Variants in COL24A1 observed in about 807,000 individuals in gnomAD.
COL24A1 encodes the protein collagen alpha-1(XXIV) chain.
Under a neutral mutation model 253.9 loss-of-function variants are expected in COL24A1, and 224 were observed. That is an observed-to-expected ratio of 0.88 (90% confidence interval 0.79 to 0.99). The LOEUF (loss-of-function observed/expected upper bound fraction) is 0.99, where lower values mean the gene tolerates loss of function less well. COL24A1 is among the 50% of genes least tolerant of loss of function. The pLI is 0.00. For synonymous variants in COL24A1, 685 were observed against 673.7 expected, an observed-to-expected ratio of 1.02 and a Z score of -0.26; for missense variants, 2,131 against 2,068.5, an observed-to-expected ratio of 1.03 and a Z score of -0.59.
chr1:85,859,187 G>A (rs1171782661), intron 37 of COL24A1, among the ~76,000 whole-genome samples: 1 of 152,122 alleles, frequency 6.6e-6, no homozygotes, highest in Non-Finnish European at 1.5e-5. Flanking sequence ...TCATAACTGT[G>A]CCTGGCTTAA....
intron 35 of COL24A1, among the ~76,000 whole-genome samples, chr1:85,869,497 T>A (rs1048638331): frequency 2.0e-5 from 3 of 152,198 alleles, no homozygotes; most frequent in Non-Finnish European, 4.4e-5. Context: ...ACAGCGGATC[T>A]CTTGGCAGAA....
Position 85,858,611 on chromosome 1 carries a change from TA to T in COL24A1, c.3301-9206del, listed in dbSNP as rs201201735. ...ACATCCCAATAACATATTTTCTCCT[TA>T]TTTTCTCCCTCCTTCCTTCCTTCCT... On this transcript the variant is annotated intron_variant, in intron 37 of 59. Transcript: ENST00000370571. 1.0e-2 allele frequency among the ~76,000 whole-genome samples: 768 copies of T among 77,156 alleles called. 2 individuals are homozygous for T. Among genetic ancestry groups the T allele is most frequent in the Non-Finnish European group, 0.019 (566 of 30,132 alleles). The allele number at this position is 77,156 out of a possible 152,430, so 50.6% of individuals were successfully genotyped here. A position where few individuals can be genotyped will look rare whatever the true frequency, so the allele number is the denominator to read the frequency against.
At chr1:86,012,953 A>ATGGTGG (rs34650831) in intron 19 of COL24A1, among the ~76,000 whole-genome samples, 1 of 151,690 alleles carries the variant, frequency 6.6e-6, no homozygotes, top group Non-Finnish European at 1.5e-5. Flanking sequence ...GTCTTCAATT[A>ATGGTGG]TGGTGGTGGT....
At position 86,003,850 on chromosome 1, in the gene COL24A1, A is replaced by G. The variant is rs909943971; in HGVS notation, c.2310+13301T>C. ...AGACACATGGGATTAGGCAAAGAGTATAAAGAGTTCGCCCTCACACATTAA... is the reference window on the plus strand; with the variant it reads ...AGACACATGGGATTAGGCAAAGAGTGTAAAGAGTTCGCCCTCACACATTAA... On this transcript the variant is annotated intron_variant, in intron 19 of 59. Coordinates refer to ENST00000370571, the MANE Select transcript of COL24A1 (RefSeq NM_152890.7). Among the ~76,000 whole-genome samples the G allele has an allele frequency of 1.6e-3, 236 of 152,252 alleles. 3 individuals carry two copies. Among genetic ancestry groups the G allele is most frequent in the Non-Finnish European group, 4.4e-5 (3 of 68,010 alleles).
chr1:85,823,975 G>A (rs1673937321), intron 43 of COL24A1, among the ~76,000 whole-genome samples: 1 of 151,888 alleles, frequency 6.6e-6, no homozygotes, highest in Admixed American at 6.6e-5. Flanking sequence ...GTGAATTAAT[G>A]TAGCAGGCTG....
chr1:86,056,026 G>C (rs1168499529), intron 10 of COL24A1, among the ~76,000 whole-genome samples: 1 of 151,616 alleles, frequency 6.6e-6, no homozygotes, highest in African/African-American at 2.4e-5. Flanking sequence ...GTTGAGGCAG[G>C]AGAATCACTT....
At chr1:86,103,482 T>G (rs2102062956) in intron 5 of COL24A1, among the ~76,000 whole-genome samples, 1 of 152,332 alleles carries the variant, frequency 6.6e-6, no homozygotes, top group South Asian at 2.1e-4. Flanking sequence ...CACTGGTCTG[T>G]GTACATAAGT....
intron 8 of COL24A1, among the ~76,000 whole-genome samples, chr1:86,062,159 A>T (rs1177143953): frequency 6.6e-6 from 1 of 152,112 alleles, no homozygotes; most frequent in Non-Finnish European, 1.5e-5. Flanking sequence ...AGTTAATAGT[A>T]ATATAGTTTG....
chr1:85,792,907 C>G (rs533981221), intron 47 of COL24A1, among the ~76,000 whole-genome samples: 139 of 152,008 alleles, frequency 9.1e-4, no homozygotes, highest in African/African-American at 3.2e-3. Flanking sequence ...TGAGAAGAAA[C>G]TGGATCATGA....
At chr1:86,051,719 C>G (rs888665842) in intron 10 of COL24A1, among the ~76,000 whole-genome samples, 6 of 152,008 alleles carry the variant, frequency 3.9e-5, no homozygotes, top group African/African-American at 1.4e-4. Context: ...ACTTGGATTA[C>G]AGTGGGTCAC....
chr1:85,863,999 C>T (rs1459092085), intron 37 of COL24A1, among the ~76,000 whole-genome samples: 1 of 152,156 alleles, frequency 6.6e-6, no homozygotes, highest in East Asian at 1.9e-4. Context: ...GTGGCGATTC[C>T]TCAAGGATCT....
At chr1:86,116,083 C>T (rs1051106021) in intron 3 of COL24A1, among the ~76,000 whole-genome samples, 6 of 152,124 alleles carry the variant, frequency 3.9e-5, no homozygotes, top group African/African-American at 1.4e-4. Flanking sequence ...GTCTTCTTCA[C>T]TTACTTTAAC....
At chr1:85,758,771 C>A (rs960743689) in intron 55 of COL24A1, among the ~76,000 whole-genome samples, 1 of 152,076 alleles carries the variant, frequency 6.6e-6, no homozygotes, top group African/African-American at 2.4e-5. Flanking sequence ...TTAAAAAGTT[C>A]TGTAAAACCA....
At chr1:85,772,969 C>T (rs1025402028) in intron 53 of COL24A1, among the ~76,000 whole-genome samples, 1 of 152,112 alleles carries the variant, frequency 6.6e-6, no homozygotes, top group African/African-American at 2.4e-5. Flanking sequence ...AATGGTATTG[C>T]CCAGGTTTTC....
chr1:85,909,944 T>A lies in COL24A1; in HGVS notation c.2670+6A>T. Reference sequence around the variant, plus strand: ...AAACATATTTTTCAAATCACTGAGCTCTTACCATAACACCTTTTTCTCCCT... The same window carrying A: ...AAACATATTTTTCAAATCACTGAGCACTTACCATAACACCTTTTTCTCCCT... On this transcript the variant is annotated splice_donor_region_variant and intron_variant, in intron 26 of 59. Coordinates refer to ENST00000370571, the MANE Select transcript of COL24A1 (RefSeq NM_152890.7). 1 of 1,607,272 alleles carries A rather than the reference T, an allele frequency of 6.2e-7. No individual in the cohort carries two copies. Among genetic ancestry groups the A allele is most frequent in the Non-Finnish European group, 8.5e-7 (1 of 1,174,238 alleles).
chr1:86,097,090 C>A (rs954718346), intron 5 of COL24A1, among the ~76,000 whole-genome samples: 12 of 152,124 alleles, frequency 7.9e-5, no homozygotes, highest in Non-Finnish European at 1.8e-4. Context: ...AGAATAATTT[C>A]TATATACCCA....
intron 43 of COL24A1, among the ~76,000 whole-genome samples, chr1:85,829,593 C>T (rs1023504413): frequency 1.3e-5 from 2 of 152,018 alleles, no homozygotes; most frequent in Middle Eastern, 3.4e-3. Context: ...TTCATATAGC[C>T]CCATATTTCT....
chr1:85,769,656 G>T (rs995719721), intron 53 of COL24A1, among the ~76,000 whole-genome samples: 6 of 152,088 alleles, frequency 3.9e-5, no homozygotes, highest in Non-Finnish European at 8.8e-5. Context: ...CAAGGAGAGA[G>T]ATGTAATCAG....
intron 37 of COL24A1, among the ~76,000 whole-genome samples, chr1:85,863,849 T>TAC (rs1346943896): frequency 6.6e-6 from 1 of 152,110 alleles, no homozygotes. Context: ...CACAATGAGA[T>TAC]ACCATCTCAC....
Sources: gnomAD v4.1 joint callset for allele counts (sites outside exome capture counted in the v4.1 genomes callset) on GRCh38, gnomAD v4.1.1 for gene constraint, MANE v1.5 for transcripts, NCBI Gene and HGNC (gene_info 2026-07-23, HGNC 2026-07-21) for gene names.